AHDC1: variants seen among roughly 807,000 people sequenced by gnomAD.
The protein encoded by AHDC1 is AT-hook DNA binding motif containing 1.
In AHDC1, 7 loss-of-function variants were observed where a neutral mutation model predicts 87.9. The observed-to-expected ratio is 0.08, with a 90% CI of 0.05 to 0.15. AHDC1 has a LOEUF of 0.15. Among genes scored for constraint, AHDC1 ranks in the 10% least tolerant of loss-of-function variants. The probability of loss-of-function intolerance (pLI) is 1.00; values close to 1 mark genes in which losing one functional copy is unlikely to be tolerated. For synonymous variants in AHDC1, 1,051 were observed against 1,006.8 expected (o/e 1.04, Z -0.83); for missense variants, 1,841 against 2,253.2 (o/e 0.82, Z 3.70).
rs1320870611 is a variant in AHDC1, at chr1:27,560,486, G to C, written c.-628-1603C>G. Among the ~76,000 whole-genome samples the C allele has an allele frequency of 1.3e-5, 2 of 152,176 alleles. No individual in the cohort carries two copies. Among genetic ancestry groups the C allele is most frequent in the Non-Finnish European group, 2.9e-5 (2 of 68,028 alleles). ...GTTTCCAATCTCGAGGCCTGTGACT[G>C]CAGGCACTGGTGTCACTGTGGATCA... On this transcript the variant is annotated intron_variant, in intron 3 of 8. Transcript: ENST00000673934. The surrounding 1 kb of genome is among the most constrained non-coding windows in gnomAD (Gnocchi z 4.1).
intron 8 of AHDC1, among the ~76,000 whole-genome samples, chr1:27,537,183 G>A (rs2018679053): frequency 1.3e-5 from 2 of 152,256 alleles, no homozygotes; most frequent in African/African-American, 4.8e-5. Flanking sequence ...GTGGCTGTGT[G>A]GAACCCTGAC....
intron 3 of AHDC1, among the ~76,000 whole-genome samples, chr1:27,571,900 C>T (rs1205967884): frequency 6.6e-6 from 1 of 152,130 alleles, no homozygotes; most frequent in Non-Finnish European, 1.5e-5. Flanking sequence ...AACCAGCAGC[C>T]GCGTGAATGG....
intron 3 of AHDC1, among the ~76,000 whole-genome samples, chr1:27,586,539 A>G (rs2089063904): frequency 6.6e-6 from 1 of 152,248 alleles, no homozygotes; most frequent in South Asian, 2.1e-4. Context: ...CAAAATTAAA[A>G]TAGCACAGGA....
Position 27,562,771 on chromosome 1 carries a change from G to A in AHDC1, c.-628-3888C>T, listed in dbSNP as rs1302224778. 2.6e-5 allele frequency among the ~76,000 whole-genome samples: 4 copies of A among 152,096 alleles called. No homozygotes were observed. Among genetic ancestry groups the A allele is most frequent in the East Asian group, 1.9e-4 (1 of 5,194 alleles). ...GCCCCGTATCACCAGAAAACATGTC[G>A]TCTCTTTAGAGTGAGACACGAGCTC... On this transcript the variant is annotated intron_variant, in intron 3 of 8. Transcript: ENST00000673934. The surrounding 1 kb of genome is among the most constrained non-coding windows in gnomAD (Gnocchi z 4.4).
rs1242524886 is a variant in AHDC1 at position 27,560,561 on chromosome 1, G to A, written c.-628-1678C>T. Among the ~76,000 whole-genome samples the A allele has an allele frequency of 2.0e-5, 3 of 152,114 alleles. No homozygotes were observed. In the South Asian group the frequency reaches 6.2e-4, roughly 32 times the overall value. On this transcript the variant is annotated intron_variant, in intron 3 of 8. Coordinates refer to ENST00000673934, the MANE Select transcript of AHDC1 (RefSeq NM_001371928.1). This position sits in a 1 kb window ranked among gnomAD's most constrained non-coding sequence, Gnocchi z 4.1. ...CTTTCTCTGGGTTTTCAGGGTCATG[G>A]TGTGGCAGTGTGACTGGCCACAGTG...
At position 27,551,551 on chromosome 1, in the gene AHDC1, T is replaced by C; in HGVS notation, c.565A>G (p.Lys189Glu). 1.9e-6 allele frequency: 3 copies of C among 1,607,384 alleles called. No individual in the cohort carries two copies. The highest frequency in any genetic ancestry group is 2.6e-6 in the Non-Finnish European group (3 of 1,175,954). The change falls in exon 8 of 9, where the codon AAG (lysine) becomes GAG (glutamate). Residue 189 changes from lysine (K) to glutamate (E), a missense_variant. Transcript: ENST00000673934. ...SPEERATPHA[K>E]SERPSHPLYE... is the part of the protein sequence containing the mutation. ...AGGGGATGGCTGGGCCGCTCCGACT[T>C]GGCGTGTGGGGTGGCCCGCTCCTCA...
At chr1:27,544,687 G>C (rs1006562615) in intron 8 of AHDC1, among the ~76,000 whole-genome samples, 2 of 152,150 alleles carry the variant, frequency 1.3e-5, no homozygotes, top group Non-Finnish European at 2.9e-5. Context: ...TGGTGATTTT[G>C]ATCATCCCCT....
At chr1:27,546,855 C>T (rs578250098) in intron 8 of AHDC1, among the ~76,000 whole-genome samples, 3 of 152,132 alleles carry the variant, frequency 2.0e-5, no homozygotes, top group Admixed American at 6.5e-5. Context: ...CCTGCTTCTC[C>T]CTTCACCTGT....
At position 27,550,748 on chromosome 1, in the gene AHDC1, G is replaced by A; in HGVS notation, c.1368C>T (p.Ser456=). 1.3e-6 allele frequency: 2 copies of A among 1,580,072 alleles called. No homozygotes were observed. Among genetic ancestry groups the A allele is most frequent in the Non-Finnish European group, 1.7e-6 (2 of 1,163,676 alleles). The stretch of plus-strand genomic sequence containing the variant: ...TGCGGGTAGAGACCACTGGGGTCTG[G>A]GAAGATTCCGGCTTCAACTCTGGGA... ...VSVPELKPES[S]QTPVVSTRKG... The change falls in exon 8 of 9, where the codon TCC becomes TCT. Residue 456 remains serine (S), a synonymous_variant. Coordinates refer to ENST00000673934, the MANE Select transcript of AHDC1 (RefSeq NM_001371928.1).
chr1:27,558,541 G>C lies in AHDC1; in HGVS notation c.-450-11C>G. On this transcript the variant is annotated splice_polypyrimidine_tract_variant and intron_variant, in intron 4 of 8. Transcript: ENST00000673934. The surrounding 1 kb of genome is among the most constrained non-coding windows in gnomAD (Gnocchi z 5.6). Reference sequence around the variant, plus strand: ...CCTCAGTTCCCCTTTCTGGATAATGGGGAGTTTGAGTAAATGTTGGGTTAA... The same window carrying C: ...CCTCAGTTCCCCTTTCTGGATAATGCGGAGTTTGAGTAAATGTTGGGTTAA... The C allele has an allele frequency of 2.6e-6, 1 of 390,194 alleles. No individual in the cohort carries two copies. Among genetic ancestry groups the C allele is most frequent in the East Asian group, 3.6e-5 (1 of 27,558 alleles). The allele number at this position is 390,194 out of a possible 1,614,324, so 24.2% of individuals were successfully genotyped here. A position where few individuals can be genotyped will look rare whatever the true frequency, so the allele number is the denominator to read the frequency against.
chr1:27,559,055 A>C (rs2148333832), intron 3 of AHDC1, among the ~76,000 whole-genome samples, 172 bp from the exon 4 acceptor site: 1 of 152,176 alleles, frequency 6.6e-6, no homozygotes, highest in East Asian at 1.9e-4. Context: ...TTTTAAAAAA[A>C]AAAATAAGAG....
chr1:27,599,061 T>G (rs1184947748), intron 3 of AHDC1, among the ~76,000 whole-genome samples: 1 of 152,156 alleles, frequency 6.6e-6, no homozygotes, highest in Admixed American at 6.5e-5. Context: ...CCTGAGACCC[T>G]GGGGTAGGAT....
At chr1:27,592,298 T>TGTCA (rs2089244506) in intron 3 of AHDC1, among the ~76,000 whole-genome samples, 1 of 151,922 alleles carries the variant, frequency 6.6e-6, no homozygotes, top group South Asian at 2.1e-4. Flanking sequence ...CCACCCAGCT[T>TGTCA]GTCACCTGCC....
At chr1:27,575,582 C>T (rs1200051341) in intron 3 of AHDC1, among the ~76,000 whole-genome samples, 1 of 151,806 alleles carries the variant, frequency 6.6e-6, no homozygotes, top group Non-Finnish European at 1.5e-5. Flanking sequence ...GCAGGAAATT[C>T]CAGAAGCTCT....
intron 5 of AHDC1, among the ~76,000 whole-genome samples, chr1:27,557,170 C>T (rs1327476297): frequency 6.6e-6 from 1 of 151,348 alleles, no homozygotes; most frequent in Non-Finnish European, 1.5e-5. Flanking sequence ...TGGGCGCCAC[C>T]GCCAGCTCTG....
At chr1:27,537,357 T>G (rs1023147919) in intron 8 of AHDC1, among the ~76,000 whole-genome samples, 1 of 152,128 alleles carries the variant, frequency 6.6e-6, no homozygotes, top group Non-Finnish European at 1.5e-5. Flanking sequence ...ACCAGGGTAA[T>G]TACCACGCAG....
In AHDC1 at chr1:27,549,764, G is replaced by A. The variant is rs200498435; in HGVS notation, c.2352C>T (p.Gly784=). The A allele has an allele frequency of 1.5e-5, 25 of 1,613,030 alleles. No individual in the cohort carries two copies. The highest frequency in any genetic ancestry group is 1.7e-4 in the Middle Eastern group (1 of 6,060). The part of the protein sequence containing the change: ...GGWAPHHGHP[G]GQAGRNCGFQ... The stretch of plus-strand genomic sequence containing the variant: ...ACCCACAGTTTCGGCCAGCTTGTCC[G>A]CCTGGGTGCCCATGGTGAGGGGCCC... Residue 784 remains glycine (G), a synonymous_variant, in exon 8 of 9, where the codon GGC becomes GGT. Coordinates refer to ENST00000673934, the MANE Select transcript of AHDC1 (RefSeq NM_001371928.1).
At position 27,550,806 on chromosome 1, in the gene AHDC1, G is replaced by A; in HGVS notation, c.1310C>T (p.Pro437Leu). 1 of 1,565,866 alleles carries A rather than the reference G, an allele frequency of 6.4e-7. No homozygotes were observed. Among genetic ancestry groups the A allele is most frequent in the Non-Finnish European group, 8.6e-7 (1 of 1,156,568 alleles). ...AEPPPPPPPPPPALPGPGPVS... is the reference protein window; with the variant it reads ...AEPPPPPPPPLPALPGPGPVS... ...CGGGCCTGGGCCTGGCAGGGCAGGG[G>A]GTGGAGGAGGCGGTGGTGGTGGGGG... The change falls in exon 8 of 9, where the codon CCC (proline) becomes CTC (leucine). Residue 437 changes from proline to leucine, a missense_variant. Around this residue, in one of 13 missense-constraint regions of AHDC1, gnomAD observed 370 missense variants for 391.5 expected, o/e 0.95. Transcript: ENST00000673934.
At chr1:27,544,709 G>T (rs921198336) in intron 8 of AHDC1, among the ~76,000 whole-genome samples, 5 of 152,186 alleles carry the variant, frequency 3.3e-5, no homozygotes, top group Non-Finnish European at 7.3e-5. Context: ...GCACTGGGGG[G>T]TTGCCCTAGA....
Sources: allele counts gnomAD v4.1 joint callset (sites outside exome capture counted in the v4.1 genomes callset), GRCh38; gene constraint gnomAD v4.1.1; regional missense constraint gnomAD v4.1.1; non-coding constraint Gnocchi (gnomAD v3.1); transcripts MANE v1.5; gene names NCBI Gene and HGNC (gene_info 2026-07-23, HGNC 2026-07-21).